SLX4IP: variants seen among roughly 807,000 people sequenced by gnomAD.
SLX4IP encodes SLX4 interacting protein.
A neutral mutation model predicts 32.9 loss-of-function variants in SLX4IP; 34 were observed. The ratio of observed to expected loss-of-function variants is 1.03; its 90% CI spans 0.79 to 1.38. The LOEUF is 1.38. Among genes scored for constraint, SLX4IP ranks in the 40% most tolerant of loss-of-function variants. The pLI, the probability that SLX4IP is intolerant of heterozygous loss-of-function variation, is 0.00. For missense variants in SLX4IP, 444 were observed against 479.0 expected, an observed-to-expected ratio of 0.93 and a Z score of 0.68; for synonymous variants, 172 against 171.7, an observed-to-expected ratio of 1.00 and a Z score of -0.01.
At chr20:10,604,515 A>C (rs1272531986) in intron 6 of SLX4IP, among the ~76,000 whole-genome samples, 1 of 152,238 alleles carries the variant, frequency 6.6e-6, no homozygotes, top group East Asian at 1.9e-4. Context: ...AGCCAGCTGC[A>C]CTTAGCTCCC....
At chr20:10,603,452 C>T (rs1359089972) in intron 6 of SLX4IP, among the ~76,000 whole-genome samples, 1 of 152,216 alleles carries the variant, frequency 6.6e-6, no homozygotes, top group East Asian at 1.9e-4. Context: ...AAGCCTTTTA[C>T]ATGAGTGAGT....
chr20:10,534,751 C>T (rs1316674805), intron 2 of SLX4IP, among the ~76,000 whole-genome samples: 1 of 152,090 alleles, frequency 6.6e-6, no homozygotes, highest in Non-Finnish European at 1.5e-5. Flanking sequence ...TGGCATGGTG[C>T]TGGAGAAGCT....
chr20:10,589,806 A>G (rs1272456934), intron 4 of SLX4IP, among the ~76,000 whole-genome samples: 1 of 25,874 alleles, frequency 3.9e-5, no homozygotes, highest in Non-Finnish European at 6.9e-5. Flanking sequence ...AAGACCTAGA[A>G]GATATCAAAA....
At chr20:10,444,186 A>G (rs1331565100) in intron 1 of SLX4IP, among the ~76,000 whole-genome samples, 1 of 62,016 alleles carries the variant, frequency 1.6e-5, no homozygotes, top group Non-Finnish European at 4.9e-5. Flanking sequence ...GATTAGAGGT[A>G]CTTTAAGAGG....
intron 2 of SLX4IP, among the ~76,000 whole-genome samples, chr20:10,535,429 C>T (rs2066031952): frequency 6.6e-6 from 1 of 152,122 alleles, no homozygotes; most frequent in Admixed American, 6.5e-5. Flanking sequence ...TCAAGCAGTT[C>T]TCCTGCCTCA....
At chr20:10,458,337 C>T (rs2065305602) in intron 2 of SLX4IP, 106 bp downstream of exon 2, 1 of 1,167,644 alleles carries the variant, frequency 8.6e-7, no homozygotes, top group East Asian at 2.7e-5. Context: ...GCTTTTTACA[C>T]TTGGGACTCT....
At chr20:10,613,359 T>A in intron 6 of SLX4IP, 1 of 1,208,118 alleles carries the variant, frequency 8.3e-7, no homozygotes, top group Non-Finnish European at 1.2e-6. Flanking sequence ...AATTGCTTTT[T>A]GCCTTCAAGT....
intron 6 of SLX4IP, among the ~76,000 whole-genome samples, chr20:10,615,891 T>G (rs2067021422): frequency 6.6e-6 from 1 of 152,044 alleles, no homozygotes; most frequent in Non-Finnish European, 1.5e-5. Context: ...TTCAGGCCCT[T>G]TTATAAAAAC....
chr20:10,560,831 A>G lies in SLX4IP; in HGVS notation c.238+11A>G. On this transcript the variant is annotated intron_variant, in intron 4 of 7. Transcript: ENST00000334534. ...CCTTGTCCTTAAAAGGTAGGCACAGAGCACTTTGATTTTGGACAAAAAATA... is the reference window on the plus strand; with the variant it reads ...CCTTGTCCTTAAAAGGTAGGCACAGGGCACTTTGATTTTGGACAAAAAATA... The G allele has an allele frequency of 1.9e-6, 3 of 1,562,472 alleles. No homozygotes were observed. The highest frequency in any genetic ancestry group is 2.6e-6 in the Non-Finnish European group (3 of 1,158,954).
In SLX4IP at chr20:10,456,345, T is replaced by A. The variant is rs538568809; in HGVS notation, c.-29-1831T>A. On this transcript the variant is annotated intron_variant, in intron 1 of 7. Transcript: ENST00000334534. ...TAAGCTTTTATTTATTTATTTATTT[T>A]ATTTGATAGTTTTTCAGACGGAGTC... is the stretch of plus-strand genomic sequence containing the variant. Among the ~76,000 whole-genome samples, 17 of 152,294 alleles carry A rather than the reference T, an allele frequency of 1.1e-4. No individual in the cohort carries two copies. The East Asian group carries it at 1.5e-3, about 14-fold the overall frequency.
chr20:10,452,735 G>A (rs2065253638), intron 1 of SLX4IP, among the ~76,000 whole-genome samples: 1 of 148,732 alleles, frequency 6.7e-6, no homozygotes, highest in Non-Finnish European at 1.5e-5. Flanking sequence ...CCTATAATCT[G>A]AGCTACTTAG....
At chr20:10,606,084 T>A (rs892019286) in intron 6 of SLX4IP, among the ~76,000 whole-genome samples, 1 of 152,140 alleles carries the variant, frequency 6.6e-6, no homozygotes, top group Non-Finnish European at 1.5e-5. Flanking sequence ...TTTTCTCACA[T>A]GGGATTTCTA....
chr20:10,488,908 TTATAA>T (rs1446503269), intron 2 of SLX4IP, among the ~76,000 whole-genome samples: 1 of 152,182 alleles, frequency 6.6e-6, no homozygotes, highest in African/African-American at 2.4e-5. Context: ...CTGTACATGA[TTATAA>T]TATATAACCA....
chr20:10,519,852 G>C (rs2065887876), intron 2 of SLX4IP, among the ~76,000 whole-genome samples: 1 of 152,152 alleles, frequency 6.6e-6, no homozygotes, highest in Non-Finnish European at 1.5e-5. Context: ...ACGTATGATG[G>C]TTCCACATCC....
intron 4 of SLX4IP, among the ~76,000 whole-genome samples, chr20:10,581,553 C>T (rs1021213868): frequency 1.3e-5 from 2 of 152,146 alleles, no homozygotes; most frequent in East Asian, 3.9e-4. Flanking sequence ...GACCCCAAAG[C>T]ACTGTAAAGT....
intron 2 of SLX4IP, among the ~76,000 whole-genome samples, chr20:10,553,981 G>A (rs1003058557): frequency 2.6e-5 from 4 of 152,192 alleles, no homozygotes; most frequent in Admixed American, 2.6e-4. Flanking sequence ...ATTTTACACA[G>A]TGTTTAAAAA....
chr20:10,491,227 C>T (rs191954042), intron 2 of SLX4IP, among the ~76,000 whole-genome samples: 44 of 152,286 alleles, frequency 2.9e-4, no homozygotes, highest in Middle Eastern at 3.4e-3. Context: ...GCAGTTTAAA[C>T]ATTTCATCAC....
intron 1 of SLX4IP, among the ~76,000 whole-genome samples, chr20:10,438,682 A>G (rs2065136484): frequency 6.6e-6 from 1 of 151,538 alleles, no homozygotes; most frequent in South Asian, 2.1e-4. Context: ...GAGTTTCACC[A>G]TGTTGATCAG....
At chr20:10,596,316 G>A (rs777165761) in intron 4 of SLX4IP, among the ~76,000 whole-genome samples, 48 of 152,176 alleles carry the variant, frequency 3.2e-4, no homozygotes, top group Non-Finnish European at 5.9e-4. Flanking sequence ...TTGAAGCCCT[G>A]AGCTCAAGCA....
Sources: gnomAD v4.1 joint callset for allele counts (sites outside exome capture counted in the v4.1 genomes callset) on GRCh38, gnomAD v4.1.1 for gene constraint, MANE v1.5 for transcripts, NCBI Gene and HGNC (gene_info 2026-07-23, HGNC 2026-07-21) for gene names.